Variants in AK9 observed in about 807,000 individuals in gnomAD.
AK9 encodes adenylate kinase 9, also known as adenylate kinase domain containing 1.
In AK9, 191 loss-of-function variants were observed where a neutral mutation model predicts 239.6. That is an observed-to-expected ratio of 0.80 (90% CI 0.71 to 0.90). The LOEUF is 0.90. Among genes scored for constraint, AK9 ranks in the 40% least tolerant of loss-of-function variants. The pLI is 0.00. For synonymous variants in AK9, 689 were observed against 721.0 expected, an observed-to-expected ratio of 0.96 and a Z score of 0.71; for missense variants, 1,995 against 2,214.7, an observed-to-expected ratio of 0.90 and a Z score of 1.99.
chr6:109,585,468 GTATAT>G (rs1443825904), intron 18 of AK9, among the ~76,000 whole-genome samples: 3 of 152,058 alleles, frequency 2.0e-5, no homozygotes, highest in African/African-American at 7.2e-5. Flanking sequence ...AAAAGAGGTA[GTATAT>G]TATATTTTTC....
chr6:109,511,992 C>T (rs772654713), intron 32 of AK9, among the ~76,000 whole-genome samples: 1 of 152,054 alleles, frequency 6.6e-6, no homozygotes, highest in Non-Finnish European at 1.5e-5. Flanking sequence ...ATGTCAGAGG[C>T]GTGCAAACAA....
intron 27 of AK9, among the ~76,000 whole-genome samples, chr6:109,541,705 C>T (rs567245936): frequency 1.4e-4 from 21 of 152,340 alleles, no homozygotes; most frequent in East Asian, 7.7e-4. Flanking sequence ...CCACTGCACC[C>T]GGCCCTACAA....
chr6:109,624,048 GT>G (rs564289319), intron 12 of AK9, among the ~76,000 whole-genome samples: 14 of 147,984 alleles, frequency 9.5e-5, no homozygotes, highest in South Asian at 2.1e-4. Context: ...GTTCCTGCAG[GT>G]TTTTTTTTTG....
chr6:109,650,175 G>T (rs1451759469), intron 8 of AK9, among the ~76,000 whole-genome samples: 3 of 152,050 alleles, frequency 2.0e-5, no homozygotes, highest in Admixed American at 1.3e-4. Context: ...AGAGGCATGG[G>T]CAAGGACTTC....
Position 109,586,073 on chromosome 6 carries a change from C to T in AK9, c.1843-1G>A. The T allele has an allele frequency of 1.9e-6, 3 of 1,548,850 alleles. No individual in the cohort carries two copies. Among genetic ancestry groups the T allele is most frequent in the Non-Finnish European group, 2.6e-6 (3 of 1,146,048 alleles). On this transcript the variant is annotated splice_acceptor_variant, in intron 17 of 40. Transcript: ENST00000424296. LOFTEE classifies it high-confidence loss of function. ...ACCTATCCTTGTTTTCTTCCATTACCTGTGAAAAATTGTACACTGATATTA... is the reference window on the plus strand; with the variant it reads ...ACCTATCCTTGTTTTCTTCCATTACTTGTGAAAAATTGTACACTGATATTA...
chr6:109,577,620 CTTG>C lies in AK9; in HGVS notation c.2191+1927_2191+1929del, dbSNP rs200932271. Among the ~76,000 whole-genome samples the C allele has an allele frequency of 5.8e-3, 885 of 152,090 alleles. 6 individuals are homozygous for C. The highest frequency in any genetic ancestry group is 0.02 in the African/African-American group (849 of 41,498). The stretch of plus-strand genomic sequence containing the variant: ...GAATCCATCTGGTCCTGGACCTTTT[CTTG>C]TTGGAAAATTTTAAATTACTGTTTT... On this transcript the variant is annotated intron_variant, in intron 20 of 40. Transcript: ENST00000424296.
At chr6:109,687,812 G>A (rs1214055754) in intron 1 of AK9, among the ~76,000 whole-genome samples, 1 of 152,186 alleles carries the variant, frequency 6.6e-6, no homozygotes, top group Admixed American at 6.5e-5. Context: ...GTTTTAAGCT[G>A]CTAAATTTGC....
chr6:109,688,117 T>A (rs1773781445), intron 1 of AK9, among the ~76,000 whole-genome samples: 1 of 152,210 alleles, frequency 6.6e-6, no homozygotes, highest in African/African-American at 2.4e-5. Flanking sequence ...TGCTGAATGT[T>A]CTACCTGTTC....
chr6:109,674,321 T>C (rs969133590), intron 2 of AK9, 60 bp from the exon 3 acceptor site: 9 of 1,209,824 alleles, frequency 7.4e-6, no homozygotes, highest in African/African-American at 1.5e-5. Flanking sequence ...GTGACACAGA[T>C]ACAGCAATTT....
At chr6:109,670,702 G>A (rs747789362) in intron 5 of AK9, among the ~76,000 whole-genome samples, 10 of 151,782 alleles carry the variant, frequency 6.6e-5, no homozygotes, top group African/African-American at 9.7e-5. Context: ...TTAACAAATA[G>A]GTATTTACTT....
intron 32 of AK9, among the ~76,000 whole-genome samples, chr6:109,509,802 T>G (rs1027499991): frequency 6.6e-6 from 1 of 152,188 alleles, no homozygotes; most frequent in Admixed American, 6.5e-5. Flanking sequence ...GCAGGAACCC[T>G]GCCCCTTGTG....
At chr6:109,619,396 A>AT (rs1379999804) in intron 12 of AK9, among the ~76,000 whole-genome samples, 160 bp from the exon 13 acceptor site, 1 of 152,036 alleles carries the variant, frequency 6.6e-6, no homozygotes, top group African/African-American at 2.4e-5. Flanking sequence ...GAATTCACCT[A>AT]TTTTTGAGTA....
intron 8 of AK9, among the ~76,000 whole-genome samples, chr6:109,652,931 G>GTT (rs113501772): frequency 1.3e-5 from 2 of 148,360 alleles, no homozygotes; most frequent in East Asian, 4.0e-4. Flanking sequence ...AAAAGTAGGT[G>GTT]TTTTTTTTTT....
intron 10 of AK9, 129 bp from the exon 11 acceptor site, chr6:109,633,452 CTTT>C: frequency 2.7e-6 from 3 of 1,093,914 alleles, no homozygotes; most frequent in Non-Finnish European, 2.5e-6. Context: ...GAAATTTTGG[CTTT>C]TTTCTTAATT....
chr6:109,564,069 A>C lies in AK9; in HGVS notation c.2635+11T>G, dbSNP rs1786152516. ...GCTGTTGATAATAAATGTTATGATT[A>C]AAGCCCTTACTTTCCATAGTCTCAA... On this transcript the variant is annotated intron_variant, in intron 23 of 40. Coordinates refer to ENST00000424296, the MANE Select transcript of AK9 (RefSeq NM_001145128.3). The C allele has an allele frequency of 2.6e-6, 4 of 1,545,400 alleles. No homozygotes were observed. Among genetic ancestry groups the C allele is most frequent in the South Asian group, 1.2e-5 (1 of 83,158 alleles).
chr6:109,638,291 G>C (rs75372232), intron 10 of AK9, among the ~76,000 whole-genome samples: 4,379 of 152,078 alleles, frequency 0.029, 100 homozygotes, highest in East Asian at 0.11. Flanking sequence ...CCCAGCCTCT[G>C]TTCTGACCAA....
chr6:109,520,295 T>C (rs541775218), intron 29 of AK9, among the ~76,000 whole-genome samples: 2 of 152,266 alleles, frequency 1.3e-5, no homozygotes, highest in African/African-American at 2.4e-5. Context: ...TTGTTTTATA[T>C]GGTGAAAGGT....
intron 24 of AK9, among the ~76,000 whole-genome samples, chr6:109,559,150 C>T (rs1365689617): frequency 6.7e-6 from 1 of 149,116 alleles, no homozygotes; most frequent in African/African-American, 2.5e-5. Flanking sequence ...CCATACTCAG[C>T]CATGGTATAT....
intron 12 of AK9, among the ~76,000 whole-genome samples, chr6:109,630,249 T>C (rs1795974959): frequency 6.6e-6 from 1 of 152,144 alleles, no homozygotes; most frequent in Non-Finnish European, 1.5e-5. Context: ...TCCAAATTAT[T>C]ACTAACATAA....
Sources: gnomAD v4.1 joint callset for allele counts (sites outside exome capture counted in the v4.1 genomes callset) on GRCh38, gnomAD v4.1.1 for gene constraint, MANE v1.5 for transcripts, NCBI Gene and HGNC (gene_info 2026-07-23, HGNC 2026-07-21) for gene names.